SLCO5A1: variants seen among roughly 807,000 people sequenced by gnomAD.
The protein encoded by SLCO5A1 is solute carrier organic anion transporter family member 5A1.
In SLCO5A1, 39 loss-of-function variants were observed where a neutral mutation model predicts 65.1. The observed-to-expected ratio is 0.60, with a 90% CI of 0.46 to 0.78. The LOEUF (loss-of-function observed/expected upper bound fraction) is 0.78. SLCO5A1 is among the 30% of genes least tolerant of loss of function. SLCO5A1 has a pLI of 0.00. For synonymous variants in SLCO5A1, 438 were observed against 415.7 expected (o/e 1.05, Z -0.65); for missense variants, 1,029 against 1,069.4 (o/e 0.96, Z 0.53).
rs148031613 is a variant in SLCO5A1, at chr8:69,798,008, C to T, written c.907+33759G>A. The stretch of plus-strand genomic sequence containing the variant: ...GCTCAGGGGGAATCACGGAACCTGC[C>T]GACATGTGATGTCTCCCCCGGACAC... On this transcript the variant is annotated intron_variant, in intron 2 of 9. Transcript: ENST00000260126. 8.2e-3 allele frequency among the ~76,000 whole-genome samples: 1,243 copies of T among 152,206 alleles called. 12 individuals are homozygous for T. Among genetic ancestry groups the T allele is most frequent in the African/African-American group, 0.028 (1,175 of 41,500 alleles).
At chr8:69,696,409 G>A (rs1489629856) in intron 6 of SLCO5A1, among the ~76,000 whole-genome samples, 1 of 152,204 alleles carries the variant, frequency 6.6e-6, no homozygotes, top group Non-Finnish European at 1.5e-5. Context: ...GTGAGCAGAT[G>A]TGACAGAAGG....
chr8:69,690,466 G>T (rs1814212100), intron 6 of SLCO5A1, among the ~76,000 whole-genome samples: 1 of 152,184 alleles, frequency 6.6e-6, no homozygotes, highest in Non-Finnish European at 1.5e-5. Flanking sequence ...GCAAGGAGAT[G>T]AATGGTTTGA....
chr8:69,784,435 TG>T (rs1365293724), intron 2 of SLCO5A1, among the ~76,000 whole-genome samples: 3 of 152,288 alleles, frequency 2.0e-5, no homozygotes, highest in Admixed American at 1.3e-4. Flanking sequence ...CATACATCGC[TG>T]GTGGGAATGC....
At chr8:69,773,574 T>C (rs955957153) in intron 2 of SLCO5A1, among the ~76,000 whole-genome samples, 4 of 152,218 alleles carry the variant, frequency 2.6e-5, no homozygotes, top group African/African-American at 9.7e-5. Context: ...ACAATTCCCC[T>C]TCTCATTCAT....
chr8:69,816,042 C>A (rs1298228303), intron 2 of SLCO5A1, among the ~76,000 whole-genome samples: 1 of 152,198 alleles, frequency 6.6e-6, no homozygotes, highest in Non-Finnish European at 1.5e-5. Flanking sequence ...ATATTCAATA[C>A]TTCTCTGATT....
chr8:69,791,671 C>T (rs1819277354), intron 2 of SLCO5A1, among the ~76,000 whole-genome samples: 1 of 152,178 alleles, frequency 6.6e-6, no homozygotes. Context: ...ATAGTAACTT[C>T]CCTCAAGAAG....
chr8:69,746,522 T>C (rs1370753877), intron 4 of SLCO5A1, among the ~76,000 whole-genome samples: 1 of 152,090 alleles, frequency 6.6e-6, no homozygotes, highest in Non-Finnish European at 1.5e-5. Context: ...AAGATGGGGA[T>C]TTTTATTGAT....
intron 2 of SLCO5A1, among the ~76,000 whole-genome samples, chr8:69,780,166 G>C (rs933351439): frequency 2.6e-5 from 4 of 152,168 alleles, no homozygotes; most frequent in Non-Finnish European, 5.9e-5. Context: ...TGTTGGCAAG[G>C]ATACAGAGAA....
In SLCO5A1 at chr8:69,667,475, T is replaced by C. The variant is rs1813216585; in HGVS notation, c.*5394A>G. On this transcript the variant is annotated 3_prime_UTR_variant, in exon 10 of 10. Transcript: ENST00000260126. ...AAAAATGCCCATTATTTGGTACTAC[T>C]CTTACCAATTATCAATTACCAATTG... 6.6e-6 allele frequency: 1 copy of C among 152,204 alleles called. No individual in the cohort carries two copies. The highest frequency in any genetic ancestry group is 1.5e-5 in the Non-Finnish European group (1 of 68,026). 9.4% of individuals were successfully genotyped at this position (152,204 alleles called of 1,614,324 possible). A position where few individuals can be genotyped will look rare whatever the true frequency, so the allele number is the denominator to read the frequency against.
chr8:69,760,825 G>C (rs568071364), intron 3 of SLCO5A1, among the ~76,000 whole-genome samples: 3 of 152,258 alleles, frequency 2.0e-5, no homozygotes, highest in African/African-American at 7.2e-5. Context: ...TTCTCATTCT[G>C]AGTCCTAAGC....
intron 6 of SLCO5A1, among the ~76,000 whole-genome samples, chr8:69,690,299 C>T (rs1464529407): frequency 1.3e-5 from 2 of 152,238 alleles, no homozygotes; most frequent in Non-Finnish European, 2.9e-5. Context: ...CCACCATTTA[C>T]CTGTGCTTCA....
At chr8:69,700,213 T>A (rs1814669367) in intron 6 of SLCO5A1, 1 of 152,154 alleles carries the variant, frequency 6.6e-6, no homozygotes, top group African/African-American at 2.4e-5. Context: ...TGATAAATAA[T>A]AAGGAAAGGA....
intron 6 of SLCO5A1, among the ~76,000 whole-genome samples, chr8:69,696,499 T>A (rs1814504184): frequency 6.6e-6 from 1 of 152,216 alleles, no homozygotes; most frequent in Admixed American, 6.5e-5. Flanking sequence ...AGCCCTTCCA[T>A]TCTCATTTAT....
At chr8:69,788,197 C>T (rs1819117138) in intron 2 of SLCO5A1, among the ~76,000 whole-genome samples, 2 of 152,146 alleles carry the variant, frequency 1.3e-5, no homozygotes, top group South Asian at 4.1e-4. Context: ...AACAATTACC[C>T]CATTAAGGAG....
chr8:69,738,289 G>A, intron 4 of SLCO5A1, 85 bp from the exon 5 acceptor site: 5 of 1,284,466 alleles, frequency 3.9e-6, no homozygotes, highest in East Asian at 2.7e-5. Context: ...GAAATGAACT[G>A]GAAATAGCCA....
chr8:69,785,841 T>A (rs1819024567), intron 2 of SLCO5A1, among the ~76,000 whole-genome samples: 1 of 152,218 alleles, frequency 6.6e-6, no homozygotes, highest in South Asian at 2.1e-4. Flanking sequence ...GATATTAATA[T>A]GTGCAACAGC....
chr8:69,770,774 A>G (rs1001573922), intron 2 of SLCO5A1, among the ~76,000 whole-genome samples: 11 of 152,090 alleles, frequency 7.2e-5, no homozygotes, highest in Non-Finnish European at 1.5e-5. Flanking sequence ...TGTTTCCTGC[A>G]CTGATCTGCC....
rs1388717827 is a variant in SLCO5A1 at position 69,667,950 on chromosome 8, A to G, written c.*4919T>C. ...AAAATTCTTCAGATTTCCAAACACA[A>G]AGTACATGCAGCCACTTAGCAGTGA... On this transcript the variant is annotated 3_prime_UTR_variant, in exon 10 of 10. Coordinates refer to ENST00000260126, the MANE Select transcript of SLCO5A1 (RefSeq NM_030958.3). 2 of 152,244 alleles carry G rather than the reference A, an allele frequency of 1.3e-5. No individual in the cohort carries two copies. The highest frequency in any genetic ancestry group is 4.8e-5 in the African/African-American group (2 of 41,466). 9.4% of individuals were successfully genotyped at this position (152,244 alleles called of 1,614,324 possible). A position where few individuals can be genotyped will look rare whatever the true frequency, so the allele number is the denominator to read the frequency against.
At chr8:69,758,440 A>G (rs1217753987) in intron 3 of SLCO5A1, among the ~76,000 whole-genome samples, 1 of 152,112 alleles carries the variant, frequency 6.6e-6, no homozygotes, top group Non-Finnish European at 1.5e-5. Context: ...TCAGCTTCCC[A>G]AAGTGCTGGG....
Sources: allele counts gnomAD v4.1 joint callset (sites outside exome capture counted in the v4.1 genomes callset), GRCh38; gene constraint gnomAD v4.1.1; transcripts MANE v1.5; gene names NCBI Gene and HGNC (gene_info 2026-07-23, HGNC 2026-07-21).